The following PGCKA1 variants were observed in gnomAD, a reference collection of about 807,000 sequenced individuals.
PGCKA1 encodes the protein PDCD10 and GCKIII kinases associated 1, also known as PDCD10 and GCKIII kinases-associated protein 1.
the PGCKA1 span, among the ~76,000 whole-genome samples, chr4:37,586,389 G>C: frequency 1.1e-4 from 17 of 152,124 alleles, no homozygotes; most frequent in Non-Finnish European, 1.0e-4. Flanking sequence ...TCTGTACCAG[G>C]TGCTGTCCTA....
the PGCKA1 span, among the ~76,000 whole-genome samples, chr4:37,522,394 G>A: frequency 1.3e-5 from 2 of 152,170 alleles, no homozygotes; most frequent in South Asian, 2.1e-4. Flanking sequence ...CCAGACTACC[G>A]CCCATGTTTC....
chr4:37,587,968 CA>C, the PGCKA1 span: 4 of 146,874 alleles, frequency 2.7e-5, no homozygotes, highest in South Asian at 2.2e-4. Context: ...GACTGTGTCT[CA>C]AAAAAAAATA....
the PGCKA1 span, among the ~76,000 whole-genome samples, chr4:37,549,309 C>G: frequency 8.2e-3 from 1,254 of 152,240 alleles, 20 homozygotes; most frequent in African/African-American, 0.029. Flanking sequence ...GTCCAATTGC[C>G]TATCCCTTTC....
At chr4:37,584,737 C>T in the PGCKA1 span, among the ~76,000 whole-genome samples, 1 of 152,108 alleles carries the variant, frequency 6.6e-6, no homozygotes, top group Non-Finnish European at 1.5e-5. Context: ...CTTGGTCAGC[C>T]TCCGAGGAGC....
the PGCKA1 span, among the ~76,000 whole-genome samples, chr4:37,563,628 G>A: frequency 0.024 from 3,655 of 152,220 alleles, 151 homozygotes; most frequent in African/African-American, 0.083. Context: ...AGTCCACAGC[G>A]GGTACTGTAA....
chr4:37,567,673 T>A, the PGCKA1 span, among the ~76,000 whole-genome samples: 2 of 151,302 alleles, frequency 1.3e-5, no homozygotes, highest in African/African-American at 2.4e-5. Flanking sequence ...TCTTTCTCTC[T>A]CACACACACA....
chr4:37,459,252 G>T, the PGCKA1 span, among the ~76,000 whole-genome samples: 1 of 152,136 alleles, frequency 6.6e-6, no homozygotes. Context: ...ATATATGGTT[G>T]CAGTGTGCAC....
the PGCKA1 span, chr4:37,591,047 G>A: frequency 1.8e-3 from 2,674 of 1,508,066 alleles, 46 homozygotes; most frequent in African/African-American, 0.032. Flanking sequence ...TGCTGAGCAT[G>A]CAGATGCATT....
At chr4:37,474,083 A>T in the PGCKA1 span, among the ~76,000 whole-genome samples, 1 of 152,054 alleles carries the variant, frequency 6.6e-6, no homozygotes, top group Non-Finnish European at 1.5e-5. Flanking sequence ...CCCAAATTTC[A>T]TGTGTTTGAA....
the PGCKA1 span, among the ~76,000 whole-genome samples, chr4:37,537,053 A>G: frequency 1.3e-5 from 2 of 152,244 alleles, no homozygotes; most frequent in African/African-American, 4.8e-5. Context: ...GGCCAGTGGC[A>G]TCATAATTAC....
At chr4:37,556,370 C>T in the PGCKA1 span, among the ~76,000 whole-genome samples, 160 of 152,152 alleles carry the variant, frequency 1.1e-3, no homozygotes, top group Non-Finnish European at 1.6e-3. Flanking sequence ...GGGGTTCAAG[C>T]GATTCTCCTG....
chr4:37,468,683 A>G, the PGCKA1 span, among the ~76,000 whole-genome samples: 2 of 152,126 alleles, frequency 1.3e-5, no homozygotes, highest in Non-Finnish European at 2.9e-5. Flanking sequence ...AACATTTTCC[A>G]TATCCTAAAC....
the PGCKA1 span, among the ~76,000 whole-genome samples, chr4:37,466,100 A>G: frequency 8.5e-5 from 13 of 152,318 alleles, no homozygotes; most frequent in South Asian, 2.7e-3. Context: ...GTCCACACTC[A>G]TACAAAACTG....
At chr4:37,566,700 C>T in the PGCKA1 span, among the ~76,000 whole-genome samples, 2 of 152,214 alleles carry the variant, frequency 1.3e-5, no homozygotes, top group East Asian at 1.9e-4. Flanking sequence ...TCTCCTGCCT[C>T]AGCCTCCCAA....
chr4:37,463,515 T>G, the PGCKA1 span, among the ~76,000 whole-genome samples: 3 of 152,332 alleles, frequency 2.0e-5, no homozygotes, highest in African/African-American at 4.8e-5. Flanking sequence ...AGAGATCCAC[T>G]GCAGCCCAGG....
At chr4:37,591,130 C>T in the PGCKA1 span, 1 of 723,838 alleles carries the variant, frequency 1.4e-6, no homozygotes, top group Non-Finnish European at 2.3e-6. Context: ...TTACATCCAG[C>T]ATCTGTTCTG....
the PGCKA1 span, among the ~76,000 whole-genome samples, chr4:37,529,766 C>A: frequency 2.0e-5 from 3 of 152,184 alleles, no homozygotes; most frequent in Non-Finnish European, 2.9e-5. Context: ...CCTTCCCCAA[C>A]CTTGAGTTGA....
At chr4:37,503,623 C>T in the PGCKA1 span, among the ~76,000 whole-genome samples, 1 of 152,138 alleles carries the variant, frequency 6.6e-6, no homozygotes, top group Non-Finnish European at 1.5e-5. Context: ...TTGTTATTGC[C>T]TCTTTTTGAT....
At chr4:37,582,703 A>G in the PGCKA1 span, among the ~76,000 whole-genome samples, 1 of 152,236 alleles carries the variant, frequency 6.6e-6, no homozygotes, top group Non-Finnish European at 1.5e-5. Context: ...GCATCCTATC[A>G]GGAGCCACAT....
Sources: gnomAD v4.1 joint callset for allele counts (sites outside exome capture counted in the v4.1 genomes callset) on GRCh38, gnomAD v4.1.1 for gene constraint, MANE v1.5 for transcripts, NCBI Gene and HGNC (gene_info 2026-07-23, HGNC 2026-07-21) for gene names.